PTPN11: variants seen among roughly 807,000 people sequenced by gnomAD.
PTPN11 encodes tyrosine-protein phosphatase non-receptor type 11.
In PTPN11, 6 loss-of-function variants were observed where a neutral mutation model predicts 78.8. The observed-to-expected ratio is 0.08, with a 90% CI of 0.04 to 0.15. The LOEUF (loss-of-function observed/expected upper bound fraction) is 0.15. PTPN11 is among the 10% of genes least tolerant of loss of function. PTPN11 has a pLI of 1.00. For synonymous variants in PTPN11, 221 were observed against 263.5 expected (o/e 0.84, Z 1.56); for missense variants, 386 against 744.8 (o/e 0.52, Z 5.61).
intron 13 of PTPN11, among the ~76,000 whole-genome samples, chr12:112,501,689 A>AT (rs1339675802): frequency 3.3e-5 from 5 of 152,032 alleles, no homozygotes; most frequent in Admixed American, 2.6e-4. Flanking sequence ...GAAGTGTGTT[A>AT]TTTTTTCTGA....
chr12:112,486,364 C>T, intron 10 of PTPN11, 111 bp from the exon 11 acceptor site: 1 of 1,151,956 alleles, frequency 8.7e-7, no homozygotes, highest in South Asian at 1.3e-5. Context: ...TCAGTGGAAC[C>T]TGGGGAGATT....
At chr12:112,441,195 C>A (rs2037884618) in intron 1 of PTPN11, among the ~76,000 whole-genome samples, 1 of 151,732 alleles carries the variant, frequency 6.6e-6, no homozygotes, top group Non-Finnish European at 1.5e-5. Flanking sequence ...AGCTCCCGAC[C>A]TCAGGTGATC....
intron 9 of PTPN11, among the ~76,000 whole-genome samples, chr12:112,479,541 A>G (rs1030042404): frequency 6.6e-6 from 1 of 152,214 alleles, no homozygotes; most frequent in African/African-American, 2.4e-5. Context: ...TCGTGAAACA[A>G]AGGTTTCCTT....
intron 2 of PTPN11, among the ~76,000 whole-genome samples, chr12:112,449,903 T>G (rs945206309): frequency 2.0e-5 from 3 of 151,972 alleles, no homozygotes; most frequent in African/African-American, 7.2e-5. Flanking sequence ...TCATCTCTAC[T>G]AAAAATACAA....
At position 112,477,766 on chromosome 12, in the gene PTPN11, CA is replaced by C. The variant is rs1566181143; in HGVS notation, c.933+37del. 1.9e-6 allele frequency: 3 copies of C among 1,603,868 alleles called. No individual in the cohort carries two copies. The African/African-American group carries it at 4.0e-5, about 21-fold the overall frequency. On this transcript the variant is annotated intron_variant, in intron 8 of 15. Transcript: ENST00000351677. ...CTTTTCACAGTGTTTTCTGACCATA[CA>C]TTTCTAGCCTATTTTTGTATTTTAA...
chr12:112,477,565 G>A (rs2038524275), intron 7 of PTPN11, 86 bp from the exon 8 acceptor site: 1 of 1,033,098 alleles, frequency 9.7e-7, no homozygotes, highest in Non-Finnish European at 1.5e-6. Flanking sequence ...AACAAAACTT[G>A]GACTAGGCTG....
rs111645297 is a variant in PTPN11, at chr12:112,446,190, C to G, written c.15-86C>G. 7 of 1,553,130 alleles carry G rather than the reference C, an allele frequency of 4.5e-6. No homozygotes were observed. The African/African-American group carries it at 5.4e-5, about 12-fold the overall frequency. Reference sequence around the variant, plus strand: ...ATTTTCTAAAATTTTCTACTCTGCTCATAATGCGTCTTAGCTGTGTTGTTG... The same window carrying G: ...ATTTTCTAAAATTTTCTACTCTGCTGATAATGCGTCTTAGCTGTGTTGTTG... On this transcript the variant is annotated intron_variant, in intron 1 of 15. Coordinates refer to ENST00000351677, the MANE Select transcript of PTPN11 (RefSeq NM_002834.5).
chr12:112,450,991 C>T (rs940038278), intron 3 of PTPN11, among the ~76,000 whole-genome samples: 8 of 152,168 alleles, frequency 5.3e-5, no homozygotes. Flanking sequence ...TTAATGTTAT[C>T]ACCACAATTA....
chr12:112,480,619 C>A (rs553761953), intron 9 of PTPN11, among the ~76,000 whole-genome samples: 27 of 152,192 alleles, frequency 1.8e-4, no homozygotes, highest in African/African-American at 6.5e-4. Flanking sequence ...CCCGGCTTCC[C>A]AAAGTGCTGG....
Position 112,453,382 on chromosome 12 carries a change from T to A in PTPN11, c.520T>A (p.Cys174Ser). The change falls in exon 4 of 16, where the codon TGT becomes AGT. Residue 174 changes from cysteine (C) to serine (S), a missense_variant. Around this residue, in one of 3 missense-constraint regions of PTPN11, gnomAD observed 279 missense variants for 503.3 expected, o/e 0.55. Coordinates refer to ENST00000351677, the MANE Select transcript of PTPN11 (RefSeq NM_002834.5). ...TAAAGTGACCCATGTTATGATTCGC[T>A]GTCAGGTAAATCTCCAGTTGAAAAA... ...KSKVTHVMIR[C>S]QELKYDVGGG... 1.2e-6 allele frequency: 2 copies of A among 1,614,058 alleles called. No individual in the cohort carries two copies. The highest frequency in any genetic ancestry group is 1.7e-6 in the Non-Finnish European group (2 of 1,180,008).
At chr12:112,471,717 GA>G (rs1024336337) in intron 6 of PTPN11, among the ~76,000 whole-genome samples, 10 of 144,010 alleles carry the variant, frequency 6.9e-5, no homozygotes, top group South Asian at 2.2e-4. Context: ...TACCCTGGGA[GA>G]AAAAAAAAAT....
At chr12:112,505,687 TGTCA>T (rs934940112) in intron 15 of PTPN11, 134 bp from the exon 16 acceptor site, 2 of 147,944 alleles carry the variant, frequency 1.4e-5, no homozygotes, top group Non-Finnish European at 3.0e-5. Flanking sequence ...AAAAACTCAG[TGTCA>T]GTATTTCATG....
intron 12 of PTPN11, 126 bp from the exon 13 acceptor site, chr12:112,488,898 A>T (rs749526315): frequency 1.9e-5 from 25 of 1,342,544 alleles, no homozygotes; most frequent in Non-Finnish European, 2.6e-5. Context: ...AGCCATTGCA[A>T]CATGCTCAGT....
intron 9 of PTPN11, among the ~76,000 whole-genome samples, chr12:112,479,425 G>A (rs2038560115): frequency 6.6e-6 from 1 of 152,120 alleles, no homozygotes; most frequent in Admixed American, 6.6e-5. Flanking sequence ...CCTTCCTACT[G>A]TAATTTTCAT....
chr12:112,424,709 T>C (rs1396177522), intron 1 of PTPN11, among the ~76,000 whole-genome samples: 1 of 152,074 alleles, frequency 6.6e-6, no homozygotes. Flanking sequence ...GATAAAAAGC[T>C]GCTTTAACAA....
chr12:112,477,729 T>C lies in PTPN11; in HGVS notation c.932T>C (p.Met311Thr), dbSNP rs201226824. The change falls in exon 8 of 16, where the codon ATG becomes ACG. Residue 311 changes from methionine (M) to threonine (T), a missense_variant and splice_region_variant. Coordinates refer to ENST00000351677, the MANE Select transcript of PTPN11 (RefSeq NM_002834.5). ...VSDYINANII[M>T]PEFETKCNNS... ...GATTACATCAATGCAAATATCATCA[T>C]GGTAAGCTTTGCTTTTCACAGTGTT... is the stretch of plus-strand genomic sequence containing the variant. 142 of 1,611,528 alleles carry C rather than the reference T, an allele frequency of 8.8e-5. No homozygotes were observed. The highest frequency in any genetic ancestry group is 1.1e-5 in the South Asian group (1 of 91,032).
At chr12:112,446,842 A>C (rs1316605527) in intron 2 of PTPN11, among the ~76,000 whole-genome samples, 2 of 148,992 alleles carry the variant, frequency 1.3e-5, no homozygotes, top group African/African-American at 2.5e-5. Flanking sequence ...CCAAAGTGTT[A>C]GGATTACAGG....
intron 5 of PTPN11, among the ~76,000 whole-genome samples, chr12:112,455,162 A>G (rs951288438): frequency 4.6e-4 from 69 of 151,050 alleles, no homozygotes; most frequent in Admixed American, 1.3e-3. Context: ...GACTGCCGCT[A>G]TAGTACTTGG....
At chr12:112,456,850 C>T (rs1253592740) in intron 6 of PTPN11, among the ~76,000 whole-genome samples, 6 of 152,048 alleles carry the variant, frequency 3.9e-5, no homozygotes, top group African/African-American at 7.2e-5. Context: ...CCAGCTTTGA[C>T]GTGCCAAATG....
Sources: gnomAD v4.1 joint callset for allele counts (sites outside exome capture counted in the v4.1 genomes callset) on GRCh38, gnomAD v4.1.1 for gene constraint, gnomAD v4.1.1 regional missense constraint, MANE v1.5 for transcripts, NCBI Gene and HGNC (gene_info 2026-07-23, HGNC 2026-07-21) for gene names.